Variants in ZDHHC8 observed in about 807,000 individuals in gnomAD.
ZDHHC8 encodes zDHHC palmitoyltransferase 8.
In ZDHHC8, 24 loss-of-function variants were observed where a neutral mutation model predicts 61.2. That is an observed-to-expected ratio of 0.39 (90% confidence interval 0.28 to 0.55). The LOEUF (loss-of-function observed/expected upper bound fraction) is 0.55, where lower values mean the gene tolerates loss of function less well. Ranked by LOEUF, ZDHHC8 falls within the 20% of genes least tolerant of loss-of-function variation. ZDHHC8 has a pLI of 0.60. For missense variants in ZDHHC8, 935 were observed against 1,102.1 expected (o/e 0.85, Z 2.15); for synonymous variants, 523 against 492.5 (o/e 1.06, Z -0.82).
At chr22:20,133,988 C>T (rs1284527816) in intron 1 of ZDHHC8, among the ~76,000 whole-genome samples, 1 of 152,206 alleles carries the variant, frequency 6.6e-6, no homozygotes, top group East Asian at 1.9e-4. Flanking sequence ...GGGTGGCTCC[C>T]ACTCTGCTGA....
chr22:20,147,238 G>A lies in ZDHHC8; in HGVS notation c.*1838G>A. 3 of 1,441,612 alleles carry A rather than the reference G, an allele frequency of 2.1e-6. No individual in the cohort carries two copies. Among genetic ancestry groups the A allele is most frequent in the Non-Finnish European group, 2.7e-6 (3 of 1,094,750 alleles). 89.3% of individuals were successfully genotyped at this position (1,441,612 alleles called of 1,614,324 possible). ...CAGCCTCTCGGGGCCCTAGCAGGAT[G>A]ACAAGTAGGCGGCTCTGGGGCCCAG... On this transcript the variant is annotated 3_prime_UTR_variant, in exon 11 of 11. Coordinates refer to ENST00000334554, the MANE Select transcript of ZDHHC8 (RefSeq NM_013373.4).
At chr22:20,134,392 T>C (rs1467121016) in intron 1 of ZDHHC8, among the ~76,000 whole-genome samples, 7 of 152,152 alleles carry the variant, frequency 4.6e-5, no homozygotes, top group Admixed American at 3.3e-4. Flanking sequence ...GGCTGGCCCA[T>C]TGATGCCACC....
In ZDHHC8 at chr22:20,147,168, C is replaced by T. The variant is rs5992514; in HGVS notation, c.*1768C>T. 579 of 1,529,760 alleles carry T rather than the reference C, an allele frequency of 3.8e-4. 2 individuals carry two copies. In the African/African-American group the frequency reaches 6.6e-3, roughly 17 times the overall value. The allele number at this position is 1,529,760 out of a possible 1,614,324, so 94.8% of individuals were successfully genotyped here. ...GCCAGGCCGCCGGGGCACCCCCACG[C>T]GGGGCCATGTGCCGCCTGCACTTGG... On this transcript the variant is annotated 3_prime_UTR_variant, in exon 11 of 11. Coordinates refer to ENST00000334554, the MANE Select transcript of ZDHHC8 (RefSeq NM_013373.4).
rs1295459752 is a variant in ZDHHC8, at chr22:20,146,142, G to T, written c.*742G>T. ...TTTATGCTCTTGTGGGAGGCGACGG[G>T]GGGGCAGGCGGGAGCAGGCACGGGG... On this transcript the variant is annotated 3_prime_UTR_variant, in exon 11 of 11. Coordinates refer to ENST00000334554, the MANE Select transcript of ZDHHC8 (RefSeq NM_013373.4). 1 of 985,586 alleles carries T rather than the reference G, an allele frequency of 1.0e-6. No individual in the cohort carries two copies. The highest frequency in any genetic ancestry group is 1.2e-6 in the Non-Finnish European group (1 of 829,962). 61.1% of individuals were successfully genotyped at this position (985,586 alleles called of 1,614,324 possible).
At chr22:20,138,001 A>G (rs1475908304) in intron 1 of ZDHHC8, among the ~76,000 whole-genome samples, 1 of 152,256 alleles carries the variant, frequency 6.6e-6, no homozygotes, top group African/African-American at 2.4e-5. Flanking sequence ...TGTCGTGGGA[A>G]GCGGAGTCTT....
rs1568994790 is a variant in ZDHHC8 at position 20,142,880 on chromosome 22, C to G, written c.1250C>G (p.Ser417Cys). The G allele has an allele frequency of 6.2e-7, 1 of 1,612,056 alleles. No homozygotes were observed. The highest frequency in any genetic ancestry group is 8.5e-7 in the Non-Finnish European group (1 of 1,179,726). ...GGCCTGCATGCAGCCTACCCGCCAT[C>G]CCCACCGCTCAGCGCCTCTGATGCC... is the stretch of plus-strand genomic sequence containing the variant. Reference protein sequence around the residue: ...PGGLHAAYPPSPPLSASDAFS... With the variant: ...PGGLHAAYPPCPPLSASDAFS... Residue 417 changes from serine (S) to cysteine (C), a missense_variant, in exon 10 of 11, where the codon TCC (serine) becomes TGC (cysteine). This residue lies in a region of ZDHHC8 where 692 missense variants were observed against 731.4 expected (regional missense o/e 0.95). Coordinates refer to ENST00000334554, the MANE Select transcript of ZDHHC8 (RefSeq NM_013373.4).
chr22:20,139,393 C>T, intron 2 of ZDHHC8, 78 bp downstream of exon 2: 1 of 1,602,384 alleles, frequency 6.2e-7, no homozygotes, highest in Non-Finnish European at 8.5e-7. Flanking sequence ...CTTAGGGATT[C>T]CTGGTGGGTG....
At chr22:20,132,748 C>T (rs952178352) in intron 1 of ZDHHC8, among the ~76,000 whole-genome samples, 1 of 152,254 alleles carries the variant, frequency 6.6e-6, no homozygotes. Context: ...GGACACTGGG[C>T]CCCTCCAGCC....
In ZDHHC8 at chr22:20,139,880, ACAC is replaced by A; in HGVS notation, c.551_553del (p.Thr184del). 1.3e-6 allele frequency: 2 copies of A among 1,515,362 alleles called. No individual in the cohort carries two copies. Among genetic ancestry groups the A allele is most frequent in the South Asian group, 2.2e-5 (2 of 89,504 alleles). The allele number at this position is 1,515,362 out of a possible 1,614,324, so 93.9% of individuals were successfully genotyped here. On this transcript the variant is annotated inframe_deletion, in exon 4 of 11. Transcript: ENST00000334554. ...CACGCTGAGGGGCTGGGAGCCGCGC[ACAC>A]CACCATCACGTATCCTTGGTTCCTG...
rs1216545242 is a variant in ZDHHC8, at chr22:20,143,721, C to T, written c.2091C>T (p.Asp697=). 1.2e-6 allele frequency: 2 copies of T among 1,610,124 alleles called. No individual in the cohort carries two copies. Among genetic ancestry groups the T allele is most frequent in the Admixed American group, 3.3e-5 (2 of 59,958 alleles). Residue 697 remains aspartate (D), a synonymous_variant, in exon 10 of 11, where the codon GAC becomes GAT. Coordinates refer to ENST00000334554, the MANE Select transcript of ZDHHC8 (RefSeq NM_013373.4). ...GPKAVAFIHT[D]LPEPPPSLTV... ...AAGCTGTCGCCTTCATCCACACGGA[C>T]CTCCCAGAGCCACCGCCCTCGCTGA...
At position 20,132,013 on chromosome 22, in the gene ZDHHC8, G is replaced by A; in HGVS notation, c.66G>A (p.Ala22=). 1.4e-6 allele frequency: 2 copies of A among 1,389,896 alleles called. No individual in the cohort carries two copies. Among genetic ancestry groups the A allele is most frequent in the South Asian group, 2.7e-5 (2 of 74,914 alleles). The allele number at this position is 1,389,896 out of a possible 1,614,324, so 86.1% of individuals were successfully genotyped here. Residue 22 remains alanine, a synonymous_variant, in exon 1 of 11, where the codon GCG becomes GCA. Transcript: ENST00000334554. Reference sequence around the variant, plus strand: ...ACATCCCGGTGGCCACGGCCGCCGCGCTGCTGGTCGGCTCCAGCACCCTCT... The same window carrying A: ...ACATCCCGGTGGCCACGGCCGCCGCACTGCTGGTCGGCTCCAGCACCCTCT... The part of the protein sequence containing the change: ...AKYIPVATAA[A]LLVGSSTLFF...
intron 9 of ZDHHC8, 36 bp from the exon 10 acceptor site, chr22:20,142,720 C>A: frequency 6.2e-7 from 1 of 1,607,850 alleles, no homozygotes; most frequent in Non-Finnish European, 8.5e-7. Flanking sequence ...GGCGGGGTGG[C>A]AGGTGGGCAG....
At position 20,131,904 on chromosome 22, in the gene ZDHHC8, G is replaced by C; in HGVS notation, c.-44G>C. The C allele has an allele frequency of 3.2e-6, 3 of 939,322 alleles. No individual in the cohort carries two copies. Among genetic ancestry groups the C allele is most frequent in the Non-Finnish European group, 3.9e-6 (3 of 778,432 alleles). The allele number at this position is 939,322 out of a possible 1,614,324, so 58.2% of individuals were successfully genotyped here. A position where few individuals can be genotyped will look rare whatever the true frequency, so the allele number is the denominator to read the frequency against. ...CCCCGGCCCGACCCCGGCCGGCCCT[G>C]CCCGCCCGGCCCCGGGGAGGGATGC... is the stretch of plus-strand genomic sequence containing the variant. On this transcript the variant is annotated 5_prime_UTR_variant, in exon 1 of 11. Coordinates refer to ENST00000334554, the MANE Select transcript of ZDHHC8 (RefSeq NM_013373.4).
At chr22:20,133,831 C>T (rs1205911781) in intron 1 of ZDHHC8, among the ~76,000 whole-genome samples, 1 of 152,154 alleles carries the variant, frequency 6.6e-6, no homozygotes, top group African/African-American at 2.4e-5. Context: ...CTCCTGTCCT[C>T]CTTGGAGGGC....
In ZDHHC8 at chr22:20,140,635, G is replaced by A. The variant is rs768332587; in HGVS notation, c.679G>A (p.Gly227Arg). 4.3e-6 allele frequency: 7 copies of A among 1,609,874 alleles called. No individual in the cohort carries two copies. The highest frequency in any genetic ancestry group is 2.2e-5 in the South Asian group (2 of 90,408). Reference sequence around the variant, plus strand: ...TCCACAGGTGACTGGGAAGTTCCGCGGGGGTGTGAACCCTTTCACCCGAGG... The same window carrying A: ...TCCACAGGTGACTGGGAAGTTCCGCAGGGGTGTGAACCCTTTCACCCGAGG... ...TNEQVTGKFR[G>R]GVNPFTRGCC... The change falls in exon 6 of 11, where the codon GGG (glycine) becomes AGG (arginine). Residue 227 changes from glycine (G) to arginine (R), a missense_variant. Coordinates refer to ENST00000334554, the MANE Select transcript of ZDHHC8 (RefSeq NM_013373.4).
intron 1 of ZDHHC8, among the ~76,000 whole-genome samples, chr22:20,138,808 A>ATGAGG (rs927830863): frequency 1.3e-5 from 2 of 152,152 alleles, no homozygotes; most frequent in African/African-American, 4.8e-5. Flanking sequence ...ACAGGCCTGG[A>ATGAGG]TGAGGCATCG....
At chr22:20,135,139 T>C (rs2050409186) in intron 1 of ZDHHC8, among the ~76,000 whole-genome samples, 1 of 151,844 alleles carries the variant, frequency 6.6e-6, no homozygotes, top group African/African-American at 2.4e-5. Context: ...TTAGTAGAGA[T>C]GGGGTCTCGC....
intron 10 of ZDHHC8, 48 bp downstream of exon 10, chr22:20,143,804 C>T: frequency 6.5e-7 from 1 of 1,545,898 alleles, no homozygotes. Context: ...GGGCAGCTGT[C>T]CAGCCGTCTC....
chr22:20,143,605 C>T lies in ZDHHC8; in HGVS notation c.1975C>T (p.Arg659Trp), dbSNP rs756799315. 29 of 1,601,766 alleles carry T rather than the reference C, an allele frequency of 1.8e-5. No homozygotes were observed. Among genetic ancestry groups the T allele is most frequent in the South Asian group, 5.5e-5 (5 of 90,618 alleles). ...GGCCAGCAGCAACGCCCCGGGGCCC[C>T]GGCCCAGCAGTGGCTCACACAGGTC... ...DQASSNAPGP[R>W]PSSGSHRSPA... Residue 659 changes from arginine (R) to tryptophan (W), a missense_variant, in exon 10 of 11, where the codon CGG becomes TGG. Physicochemically the swap from Arg to Trp is moderately radical, Grantham distance 101. Coordinates refer to ENST00000334554, the MANE Select transcript of ZDHHC8 (RefSeq NM_013373.4).
Sources: allele counts gnomAD v4.1 joint callset (sites outside exome capture counted in the v4.1 genomes callset), GRCh38; gene constraint gnomAD v4.1.1; regional missense constraint gnomAD v4.1.1; transcripts MANE v1.5; gene names NCBI Gene and HGNC (gene_info 2026-07-23, HGNC 2026-07-21).